The following MTRF1 variants were observed in gnomAD, a reference collection of about 807,000 sequenced individuals.
The protein encoded by MTRF1 is mitochondrial translation release factor 1, also known as peptide chain release factor 1, mitochondrial.
MTRF1 carries 51 observed loss-of-function variants against 62.9 expected under a neutral mutation model. That is an observed-to-expected ratio of 0.81 (90% CI 0.65 to 1.02). MTRF1 has a LOEUF of 1.02. Among genes scored for constraint, MTRF1 ranks in the 50% least tolerant of loss-of-function variants. The probability of loss-of-function intolerance (pLI) is 0.00; values close to 1 mark genes in which losing one functional copy is unlikely to be tolerated. For missense variants in MTRF1, 446 were observed against 530.0 expected, an observed-to-expected ratio of 0.84 and a Z score of 1.56; for synonymous variants, 158 against 181.9, an observed-to-expected ratio of 0.87 and a Z score of 1.06.
At chr13:41,273,170 C>CA in the MTRF1 span, among the ~76,000 whole-genome samples, 4 of 151,742 alleles carry the variant, frequency 2.6e-5, no homozygotes, top group Admixed American at 6.6e-5. Flanking sequence ...ACTAAAAATA[C>CA]AAAAAATTAG....
chr13:41,280,450 G>A, the MTRF1 span, among the ~76,000 whole-genome samples: 1 of 152,230 alleles, frequency 6.6e-6, no homozygotes, highest in African/African-American at 2.4e-5. Flanking sequence ...AAACCAAGCT[G>A]CACCCCAACC....
intron 9 of MTRF1, among the ~76,000 whole-genome samples, chr13:41,217,831 C>G (rs1483470987): frequency 6.6e-6 from 1 of 152,228 alleles, no homozygotes; most frequent in African/African-American, 2.4e-5. Context: ...GCTCACCCTT[C>G]TGCTAATCCT....
the MTRF1 span, chr13:41,311,558 G>A: frequency 1.9e-6 from 3 of 1,608,792 alleles, no homozygotes; most frequent in South Asian, 1.1e-5. Context: ...CGCCCAAGGA[G>A]AGCAACCTCT....
chr13:41,291,678 A>C, the MTRF1 span, among the ~76,000 whole-genome samples: 1 of 152,046 alleles, frequency 6.6e-6, no homozygotes, highest in Non-Finnish European at 1.5e-5. Flanking sequence ...CTTTCTCTCA[A>C]AAGAGGGAAA....
rs758594095 is a variant in MTRF1, at chr13:41,240,424, T to C, written c.707A>G (p.His236Arg). The change falls in exon 6 of 10, where the codon CAT (histidine) becomes CGT (arginine). Residue 236 changes from histidine to arginine, a missense_variant. Physicochemically the swap from His to Arg is conservative, Grantham distance 29. Coordinates refer to ENST00000379480, the MANE Select transcript of MTRF1 (RefSeq NM_004294.4). ...ACCGGAAATTCGGGCGGCTGCATGA[T>C]GTAGTCCACCTAGGGGAACAACAAT... ...NYTPADYGGLHHAAARISGDG... is the reference protein window; with the variant it reads ...NYTPADYGGLRHAAARISGDG... 8.1e-6 allele frequency: 13 copies of C among 1,613,160 alleles called. No homozygotes were observed. The Admixed American group carries it at 1.5e-4, about 19-fold the overall frequency.
chr13:41,303,964 T>C, the MTRF1 span, among the ~76,000 whole-genome samples: 3 of 152,208 alleles, frequency 2.0e-5, no homozygotes, highest in African/African-American at 7.2e-5. Flanking sequence ...GCGTTCCTCC[T>C]CTTACTTTCA....
chr13:41,231,402 A>C (rs1032883321), intron 7 of MTRF1, among the ~76,000 whole-genome samples: 1 of 152,244 alleles, frequency 6.6e-6, no homozygotes, highest in Admixed American at 6.5e-5. Context: ...CTGGATAATT[A>C]AATCAGGAAA....
chr13:41,311,201 C>T, the MTRF1 span: 8 of 468,744 alleles, frequency 1.7e-5, no homozygotes, highest in Non-Finnish European at 3.0e-5. Context: ...CGCAGCCCCT[C>T]GCCAAAGGGC....
intron 9 of MTRF1, among the ~76,000 whole-genome samples, chr13:41,218,087 A>C (rs1164934628): frequency 6.6e-6 from 1 of 152,016 alleles, no homozygotes; most frequent in East Asian, 1.9e-4. Context: ...ACAACTGTTG[A>C]ATCTAGGTAT....
chr13:41,299,658 G>C, the MTRF1 span, among the ~76,000 whole-genome samples: 2 of 151,928 alleles, frequency 1.3e-5, no homozygotes, highest in Non-Finnish European at 2.9e-5. Flanking sequence ...CTAGCAGGAA[G>C]AATTTCGATC....
At chr13:41,263,229 G>A (rs768209212) in intron 1 of MTRF1, 95 of 1,280,496 alleles carry the variant, frequency 7.4e-5, no homozygotes, top group Middle Eastern at 2.1e-4. Flanking sequence ...CAACATTAAG[G>A]AAAACAAAAC....
At chr13:41,265,593 C>T (rs142500374), upstream of MTRF1, among the ~76,000 whole-genome samples, 73 of 152,132 alleles carry the variant, frequency 4.8e-4, no homozygotes, top group East Asian at 0.01. Context: ...CAGATGAGGT[C>T]GTAAGAGTAG....
At chr13:41,310,149 TTAC>T in the MTRF1 span, among the ~76,000 whole-genome samples, 1 of 152,230 alleles carries the variant, frequency 6.6e-6, no homozygotes, top group South Asian at 2.1e-4. Context: ...TACACACACC[TTAC>T]TACTAACCCT....
chr13:41,295,689 T>C, the MTRF1 span, among the ~76,000 whole-genome samples: 1 of 152,218 alleles, frequency 6.6e-6, no homozygotes, highest in East Asian at 1.9e-4. Context: ...TCTATATAGC[T>C]TTTGAAGTTT....
chr13:41,302,323 C>G, the MTRF1 span, among the ~76,000 whole-genome samples: 2 of 152,016 alleles, frequency 1.3e-5, no homozygotes, highest in Admixed American at 6.6e-5. Context: ...AGCCACCGTG[C>G]CTGGCCAAGA....
intron 5 of MTRF1, 22 bp from the exon 6 acceptor site, chr13:41,240,455 A>T: frequency 6.2e-7 from 1 of 1,603,966 alleles, no homozygotes. Context: ...ACAATCCAGA[A>T]ATAGTAATGA....
upstream of MTRF1, among the ~76,000 whole-genome samples, chr13:41,266,122 C>T (rs891298015): frequency 6.6e-6 from 1 of 151,886 alleles, no homozygotes; most frequent in Non-Finnish European, 1.5e-5. Context: ...CCTGGGATTA[C>T]AGGCATGAGC....
chr13:41,219,601 G>A (rs1042701845), intron 9 of MTRF1, among the ~76,000 whole-genome samples: 2 of 152,186 alleles, frequency 1.3e-5, no homozygotes, highest in African/African-American at 4.8e-5. Context: ...GAAGAAAGGT[G>A]GCATCAGGGA....
chr13:41,266,150 AT>A (rs1162403898), upstream of MTRF1, among the ~76,000 whole-genome samples: 2 of 150,028 alleles, frequency 1.3e-5, no homozygotes, highest in Non-Finnish European at 3.0e-5. Context: ...CCTGGCTTTT[AT>A]TTTTTTTTAA....
Sources: gnomAD v4.1 joint callset for allele counts (sites outside exome capture counted in the v4.1 genomes callset) on GRCh38, gnomAD v4.1.1 for gene constraint, MANE v1.5 for transcripts, NCBI Gene and HGNC (gene_info 2026-07-23, HGNC 2026-07-21) for gene names.